Variants in RBM39 observed in about 807,000 individuals in gnomAD.
RBM39 encodes the protein RNA-binding protein 39.
RBM39 carries 12 observed loss-of-function variants against 79.6 expected under a neutral mutation model. That is an observed-to-expected ratio of 0.15 (90% CI 0.10 to 0.24). RBM39 has a LOEUF of 0.24. RBM39 is among the 10% of genes least tolerant of loss of function. RBM39 has a pLI of 1.00. For synonymous variants in RBM39, 185 were observed against 208.4 expected (o/e 0.89, Z 0.97); for missense variants, 243 against 653.4 (o/e 0.37, Z 6.85).
At chr20:35,734,930 A>G in intron 3 of RBM39, 1 of 1,584,352 alleles carries the variant, frequency 6.3e-7, no homozygotes, top group Non-Finnish European at 8.5e-7. Flanking sequence ...AATGGCAGTG[A>G]AATTTTGTAC....
At chr20:35,726,736 G>A (rs2038739778) in intron 6 of RBM39, among the ~76,000 whole-genome samples, 3 of 152,182 alleles carry the variant, frequency 2.0e-5, no homozygotes, top group Admixed American at 2.0e-4. Context: ...CCTTTAAGAT[G>A]TAAGCCTAAA....
At chr20:35,716,706 A>C in intron 10 of RBM39, 34 bp downstream of exon 10, 1 of 1,341,748 alleles carries the variant, frequency 7.5e-7, no homozygotes, top group Non-Finnish European at 1.0e-6. Context: ...AAAAAAAAAA[A>C]ACCCTAAGTA....
chr20:35,704,933 C>T (rs1453195038), intron 15 of RBM39, 187 bp from the exon 16 acceptor site: 5 of 602,550 alleles, frequency 8.3e-6, no homozygotes, highest in African/African-American at 3.7e-5. Context: ...TCAAATTTGC[C>T]GTTTTATCTT....
At chr20:35,718,320 G>A (rs1008159843) in intron 9 of RBM39, among the ~76,000 whole-genome samples, 1 of 151,782 alleles carries the variant, frequency 6.6e-6, no homozygotes, top group African/African-American at 2.4e-5. Context: ...TAGAAAAGGA[G>A]TAGTCGTGGA....
intron 2 of RBM39, chr20:35,739,421 G>A (rs1569084863): frequency 2.1e-6 from 1 of 471,702 alleles, no homozygotes; most frequent in Non-Finnish European, 4.4e-6. Context: ...TAAGCCCCAA[G>A]TGGCCATGCT....
At chr20:35,722,844 G>A (rs991399508) in intron 8 of RBM39, among the ~76,000 whole-genome samples, 6 of 151,704 alleles carry the variant, frequency 4.0e-5, no homozygotes, top group African/African-American at 1.5e-4. Flanking sequence ...TCAGGCAGGA[G>A]AATGGCGTGA....
intron 8 of RBM39, among the ~76,000 whole-genome samples, chr20:35,723,642 T>C (rs1026949286): frequency 1.3e-5 from 2 of 152,144 alleles, no homozygotes; most frequent in Non-Finnish European, 2.9e-5. Flanking sequence ...TTCACCATGT[T>C]GGCCAGGCTG....
At chr20:35,728,425 A>C (rs2038999538) in intron 6 of RBM39, among the ~76,000 whole-genome samples, 1 of 152,210 alleles carries the variant, frequency 6.6e-6, no homozygotes, top group Non-Finnish European at 1.5e-5. Flanking sequence ...TTACATGTCC[A>C]TTAAAAATAA....
In RBM39 at chr20:35,703,944, GAAAAGATACCATCAAGAAATA is replaced by G; in HGVS notation, c.*516_*536del. 1 of 152,728 alleles carries G rather than the reference GAAAAGATACCATCAAGAAATA, an allele frequency of 6.5e-6. No homozygotes were observed. Among genetic ancestry groups the G allele is most frequent in the East Asian group, 1.9e-4 (1 of 5,188 alleles). The allele number at this position is 152,728 out of a possible 1,614,324, so 9.5% of individuals were successfully genotyped here. A position where few individuals can be genotyped will look rare whatever the true frequency, so the allele number is the denominator to read the frequency against. On this transcript the variant is annotated 3_prime_UTR_variant, in exon 17 of 17. Transcript: ENST00000253363. ...AGAAACTTTTACAGATACATTAATT[GAAAAGATACCATCAAGAAATA>G]TAATTTTGAAATCTCCCTTTCTTGC...
chr20:35,738,637 G>A (rs759782442), intron 3 of RBM39, among the ~76,000 whole-genome samples: 4 of 152,108 alleles, frequency 2.6e-5, no homozygotes, highest in Non-Finnish European at 4.4e-5. Context: ...AAGATCAATG[G>A]ATATATAACA....
intron 8 of RBM39, among the ~76,000 whole-genome samples, chr20:35,722,933 CAA>C (rs2038170030): frequency 8.1e-6 from 1 of 123,936 alleles, no homozygotes; most frequent in Non-Finnish European, 1.7e-5. Context: ...GACTCCGTCT[CAA>C]GAGAAAAAAA....
At chr20:35,734,190 T>A in intron 3 of RBM39, 1 of 1,301,516 alleles carries the variant, frequency 7.7e-7, no homozygotes. Flanking sequence ...ACCCACCTTC[T>A]GGAATCTTGA....
chr20:35,731,689 G>A, intron 4 of RBM39: 2 of 508,886 alleles, frequency 3.9e-6, no homozygotes, highest in Non-Finnish European at 7.0e-6. Context: ...TGCGTTGACT[G>A]GCATACAATT....
chr20:35,719,548 G>A (rs2037629798), intron 9 of RBM39, among the ~76,000 whole-genome samples: 1 of 151,782 alleles, frequency 6.6e-6, no homozygotes, highest in South Asian at 2.1e-4. Flanking sequence ...GTTGTGGTCA[G>A]AGCCTGTAAT....
chr20:35,705,384 AT>A, intron 14 of RBM39, 54 bp from the exon 15 acceptor site: 1 of 982,938 alleles, frequency 1.0e-6, no homozygotes, highest in South Asian at 1.5e-5. Flanking sequence ...CAAACTATAT[AT>A]TTACAAATGT....
intron 3 of RBM39, chr20:35,736,526 A>C (rs1013764599): frequency 4.3e-6 from 2 of 469,342 alleles, no homozygotes; most frequent in African/African-American, 4.0e-5. Flanking sequence ...ACACAGTTGT[A>C]GTGAGAAAGA....
intron 6 of RBM39, among the ~76,000 whole-genome samples, chr20:35,726,321 T>C (rs1278564937): frequency 1.3e-5 from 2 of 151,916 alleles, no homozygotes; most frequent in African/African-American, 2.4e-5. Flanking sequence ...TTAGTAGACA[T>C]GGGATTCCAC....
At chr20:35,707,809 A>G in intron 13 of RBM39, 1 of 416,602 alleles carries the variant, frequency 2.4e-6, no homozygotes, top group South Asian at 1.8e-5. Flanking sequence ...AAAGAGCAGC[A>G]TATATGTGTA....
Position 35,729,851 on chromosome 20 carries a change from A to AC in RBM39, c.297-325_297-324insG, listed in dbSNP as rs1555901272. Among the ~76,000 whole-genome samples, 177 of 124,144 alleles carry AC rather than the reference A, an allele frequency of 1.4e-3. 2 individuals carry two copies. The highest frequency in any genetic ancestry group is 5.6e-3 in the South Asian group (20 of 3,596). 81.4% of individuals were successfully genotyped at this position (124,144 alleles called of 152,430 possible). A position where few individuals can be genotyped will look rare whatever the true frequency, so the allele number is the denominator to read the frequency against. On this transcript the variant is annotated intron_variant, in intron 4 of 16. Transcript: ENST00000253363. Reference sequence around the variant, plus strand: ...TATACAGTCTTGAGAATTAAAAAAAAAAAAACACACACACACATATATAAA... The same window carrying AC: ...TATACAGTCTTGAGAATTAAAAAAAACAAAAACACACACACACATATATAAA...
Sources: allele counts gnomAD v4.1 joint callset (sites outside exome capture counted in the v4.1 genomes callset), GRCh38; gene constraint gnomAD v4.1.1; transcripts MANE v1.5; gene names NCBI Gene and HGNC (gene_info 2026-07-23, HGNC 2026-07-21).